The following TRPM3 variants were observed in gnomAD, a reference collection of about 807,000 sequenced individuals.
TRPM3 encodes long transient receptor potential channel 3.
Under a neutral mutation model 181.2 loss-of-function variants are expected in TRPM3, and 77 were observed. That is an observed-to-expected ratio of 0.42 (90% CI 0.35 to 0.51). TRPM3 has a LOEUF of 0.51. Among genes scored for constraint, TRPM3 ranks in the 20% least tolerant of loss-of-function variants. TRPM3 has a pLI of 0.01. For synonymous variants in TRPM3, 745 were observed against 796.4 expected (o/e 0.94, Z 1.09); for missense variants, 1,759 against 2,196.7 (o/e 0.80, Z 3.98).
At chr9:70,781,345 A>AAAG in intron 7 of TRPM3, among the ~76,000 whole-genome samples, 1 of 146,490 alleles carries the variant, frequency 6.8e-6, no homozygotes, top group Admixed American at 6.9e-5. Flanking sequence ...AAAAAAAAAA[A>AAAG]AAAAGAAAAC....
At chr9:71,051,734 C>T (rs973815346) in intron 1 of TRPM3, among the ~76,000 whole-genome samples, 2 of 152,116 alleles carry the variant, frequency 1.3e-5, no homozygotes, top group South Asian at 4.1e-4. Flanking sequence ...ATTTCAGTTT[C>T]ATCATCTAGG....
At chr9:70,580,024 G>A (rs1209372509) in intron 22 of TRPM3, among the ~76,000 whole-genome samples, 1 of 152,190 alleles carries the variant, frequency 6.6e-6, no homozygotes, top group East Asian at 1.9e-4. Context: ...GTTGAGAGGA[G>A]CGATTCACAT....
chr9:70,804,737 G>T (rs940615940), intron 6 of TRPM3, among the ~76,000 whole-genome samples: 1 of 150,852 alleles, frequency 6.6e-6, no homozygotes, highest in Non-Finnish European at 1.5e-5. Flanking sequence ...TCTTCCCCAC[G>T]ACTCTATTTG....
At chr9:71,421,422 G>A (rs2093771867) in intron 1 of TRPM3, among the ~76,000 whole-genome samples, 1 of 151,656 alleles carries the variant, frequency 6.6e-6, no homozygotes, top group Non-Finnish European at 1.5e-5. Context: ...TGGCCTAAAG[G>A]CAGAACATAA....
chr9:71,384,069 G>A (rs1281391268), intron 1 of TRPM3, among the ~76,000 whole-genome samples: 1 of 152,162 alleles, frequency 6.6e-6, no homozygotes, highest in African/African-American at 2.4e-5. Flanking sequence ...CCTGTCTTTT[G>A]ATACCATAAG....
chr9:71,445,636 C>T (rs1398852422), intron 1 of TRPM3, among the ~76,000 whole-genome samples: 2 of 152,150 alleles, frequency 1.3e-5, no homozygotes, highest in African/African-American at 4.8e-5. Context: ...AATTTTTATC[C>T]TTCAATGACG....
chr9:70,986,039 C>T (rs1040922584), intron 1 of TRPM3, among the ~76,000 whole-genome samples: 1 of 152,096 alleles, frequency 6.6e-6, no homozygotes, highest in Non-Finnish European at 1.5e-5. Context: ...CTAGACAATT[C>T]TGTGGTTGCT....
Position 70,536,330 on chromosome 9 carries a change from G to A in TRPM3, c.4783C>T (p.His1595Tyr). 1.9e-6 allele frequency: 3 copies of A among 1,614,126 alleles called. No individual in the cohort carries two copies. The highest frequency in any genetic ancestry group is 2.5e-6 in the Non-Finnish European group (3 of 1,180,018). The change falls in exon 26 of 26, where the codon CAT becomes TAT. Residue 1595 changes from histidine to tyrosine, a missense_variant. Coordinates refer to ENST00000677713, the MANE Select transcript of TRPM3 (RefSeq NM_001366145.2). Reference protein sequence around the residue: ...GDKVEDLTCCHPEREAELSHP... With the variant: ...GDKVEDLTCCYPEREAELSHP... ...CTCAGTTCTGCTTCTCGCTCTGGAT[G>A]GCAGCAAGTTAAGTCCTCCACTTTG... is the stretch of plus-strand genomic sequence containing the variant.
intron 11 of TRPM3, among the ~76,000 whole-genome samples, chr9:70,636,692 C>CTTTT (rs11380206): frequency 1.5e-5 from 2 of 135,148 alleles, no homozygotes; most frequent in African/African-American, 2.7e-5. Context: ...ATAGTGATGG[C>CTTTT]TTTTTTTTTT....
intron 1 of TRPM3, among the ~76,000 whole-genome samples, chr9:71,412,821 C>T (rs535901039): frequency 6.6e-5 from 10 of 152,266 alleles, no homozygotes; most frequent in Middle Eastern, 3.4e-3. Context: ...TGGCACTATT[C>T]ACAATAGCAA....
chr9:70,952,920 C>T (rs1014361832), intron 1 of TRPM3, among the ~76,000 whole-genome samples: 31 of 152,096 alleles, frequency 2.0e-4, no homozygotes, highest in Non-Finnish European at 1.5e-5. Context: ...AATGATAAAG[C>T]ATTCAAACTA....
chr9:71,041,457 T>C (rs972627251), intron 1 of TRPM3, among the ~76,000 whole-genome samples: 1 of 152,106 alleles, frequency 6.6e-6, no homozygotes, highest in Admixed American at 6.5e-5. Flanking sequence ...ATCAGCTTGG[T>C]GGAGAGGTAC....
chr9:70,560,080 G>A (rs2048692990), intron 22 of TRPM3, among the ~76,000 whole-genome samples: 1 of 152,190 alleles, frequency 6.6e-6, no homozygotes, highest in Non-Finnish European at 1.5e-5. Flanking sequence ...AGCATATTAT[G>A]TGGCAATCTC....
At chr9:71,239,716 AC>A (rs2081556276) in intron 1 of TRPM3, among the ~76,000 whole-genome samples, 10 of 152,264 alleles carry the variant, frequency 6.6e-5, no homozygotes, top group Middle Eastern at 3.4e-3. Flanking sequence ...TTAGAAAAGT[AC>A]TACAATATGT....
At chr9:71,291,455 T>A (rs573800717) in intron 1 of TRPM3, among the ~76,000 whole-genome samples, 1 of 152,258 alleles carries the variant, frequency 6.6e-6, no homozygotes, top group East Asian at 1.9e-4. Context: ...GATTCATGAA[T>A]TGCTCATAAA....
chr9:70,764,880 T>C lies in TRPM3; in HGVS notation c.1149-3156A>G, dbSNP rs1183984027. Among the ~76,000 whole-genome samples the C allele has an allele frequency of 3.3e-5, 5 of 152,222 alleles. No individual in the cohort carries two copies. The South Asian group carries it at 6.2e-4, about 19-fold the overall frequency. ...GCCTTTAACAGCTCCCCAACACTTGTAGATCTCCCCTTTTAATGAAGAAAA... is the reference window on the plus strand; with the variant it reads ...GCCTTTAACAGCTCCCCAACACTTGCAGATCTCCCCTTTTAATGAAGAAAA... On this transcript the variant is annotated intron_variant, in intron 7 of 25. Transcript: ENST00000677713.
intron 1 of TRPM3, among the ~76,000 whole-genome samples, chr9:70,942,127 A>T (rs1345738186): frequency 6.6e-6 from 1 of 152,180 alleles, no homozygotes; most frequent in Non-Finnish European, 1.5e-5. Context: ...ACAATTGGCC[A>T]CCTTTCAACT....
At chr9:70,644,447 C>T (rs148528628) in intron 9 of TRPM3, among the ~76,000 whole-genome samples, 1,734 of 152,116 alleles carry the variant, frequency 0.011, 36 homozygotes, top group African/African-American at 0.04. Context: ...GGACAACCAA[C>T]GACAAAAACC....
intron 1 of TRPM3, among the ~76,000 whole-genome samples, chr9:71,217,012 G>T (rs973867254): frequency 7.9e-6 from 1 of 126,670 alleles, no homozygotes; most frequent in African/African-American, 3.0e-5. Flanking sequence ...GTGCAGTGGC[G>T]CGATCTCGGC....
Sources: allele counts gnomAD v4.1 joint callset (sites outside exome capture counted in the v4.1 genomes callset), GRCh38; gene constraint gnomAD v4.1.1; transcripts MANE v1.5; gene names NCBI Gene and HGNC (gene_info 2026-07-23, HGNC 2026-07-21).